The following ZNF609 variants were observed in gnomAD, a reference collection of about 807,000 sequenced individuals.
ZNF609 encodes zinc finger protein 609.
ZNF609 carries 11 observed loss-of-function variants against 109.5 expected under a neutral mutation model. The observed-to-expected ratio is 0.10, with a 90% CI of 0.06 to 0.17. The LOEUF is 0.17. Among genes scored for constraint, ZNF609 ranks in the 10% least tolerant of loss-of-function variants. ZNF609 has a pLI of 1.00. For synonymous variants in ZNF609, 646 were observed against 662.0 expected (o/e 0.98, Z 0.37); for missense variants, 1,559 against 1,772.4 (o/e 0.88, Z 2.16).
chr15:64,507,921 G>A lies in ZNF609; in HGVS notation c.747+7755G>A, dbSNP rs569092691. 2.4e-4 allele frequency among the ~76,000 whole-genome samples: 36 copies of A among 152,230 alleles called. No homozygotes were observed. The South Asian group carries it at 7.5e-3, about 32-fold the overall frequency. On this transcript the variant is annotated intron_variant, in intron 2 of 9. Transcript: ENST00000326648. ...TTTCTCTCGGTACAGTTTAGTCATG[G>A]TTCAGAGCACCCACAGAAGAACCTT...
intron 2 of ZNF609, among the ~76,000 whole-genome samples, chr15:64,554,201 G>T (rs1161511711): frequency 7.2e-5 from 11 of 152,172 alleles, no homozygotes; most frequent in Non-Finnish European, 4.4e-5. Flanking sequence ...TATGACGTTA[G>T]CTGTAGTTTT....
At chr15:64,460,574 C>T (rs1044250064), upstream of ZNF609, among the ~76,000 whole-genome samples, 35 of 152,198 alleles carry the variant, frequency 2.3e-4, no homozygotes, top group African/African-American at 8.2e-4. Context: ...TTCCGGGTGA[C>T]TCTGGTTGTC....
chr15:64,492,813 A>C (rs1478398227), intron 1 of ZNF609, among the ~76,000 whole-genome samples: 1 of 152,248 alleles, frequency 6.6e-6, no homozygotes, highest in African/African-American at 2.4e-5. Context: ...ATTTGAGTCC[A>C]GAAATCACAT....
At chr15:64,479,730 C>G (rs1234559583) in intron 1 of ZNF609, among the ~76,000 whole-genome samples, 1 of 151,960 alleles carries the variant, frequency 6.6e-6, no homozygotes, top group Non-Finnish European at 1.5e-5. Flanking sequence ...ACTAGCCTAG[C>G]CAATGTGGTG....
At chr15:64,657,621 ACAG>A (rs1896510457) in intron 3 of ZNF609, among the ~76,000 whole-genome samples, 1 of 152,186 alleles carries the variant, frequency 6.6e-6, no homozygotes, top group South Asian at 2.1e-4. Flanking sequence ...TCAAAAAAAA[ACAG>A]CAGCGTTTGA....
chr15:64,488,610 A>G (rs978334641), intron 1 of ZNF609, among the ~76,000 whole-genome samples: 2 of 152,106 alleles, frequency 1.3e-5, no homozygotes, highest in African/African-American at 4.8e-5. Flanking sequence ...AACATTATTT[A>G]TATTTTTTGA....
intron 2 of ZNF609, among the ~76,000 whole-genome samples, chr15:64,503,474 G>A (rs1893590818): frequency 1.3e-5 from 2 of 152,188 alleles, no homozygotes; most frequent in African/African-American, 2.4e-5. Context: ...GCCTGTCTGA[G>A]TGTCCTGAGC....
intron 2 of ZNF609, among the ~76,000 whole-genome samples, chr15:64,577,716 G>A (rs1895024088): frequency 2.0e-5 from 3 of 147,992 alleles, no homozygotes; most frequent in East Asian, 2.0e-4. Flanking sequence ...AAACAAGGTC[G>A]GGTATGGGGA....
At chr15:64,508,929 A>G (rs138290913) in intron 2 of ZNF609, among the ~76,000 whole-genome samples, 9 of 152,150 alleles carry the variant, frequency 5.9e-5, no homozygotes, top group African/African-American at 2.2e-4. Flanking sequence ...CCTAACTTCA[A>G]GCGATCCTCC....
At chr15:64,513,358 T>G (rs1445852153) in intron 2 of ZNF609, among the ~76,000 whole-genome samples, 1 of 152,260 alleles carries the variant, frequency 6.6e-6, no homozygotes, top group Non-Finnish European at 1.5e-5. Context: ...TTCATTTTGC[T>G]TGTACATATG....
At chr15:64,474,548 A>T (rs751513373) in intron 1 of ZNF609, among the ~76,000 whole-genome samples, 15 of 152,026 alleles carry the variant, frequency 9.9e-5, no homozygotes, top group Non-Finnish European at 1.6e-4. Flanking sequence ...TCTTCTATAT[A>T]TTATTGCAAT....
chr15:64,468,422 AT>A (rs999494952), intron 1 of ZNF609, among the ~76,000 whole-genome samples: 1 of 151,142 alleles, frequency 6.6e-6, no homozygotes, highest in African/African-American at 2.4e-5. Context: ...CACCTGGCTA[AT>A]TTTTTTGTGT....
Position 64,499,999 on chromosome 15 carries a change from C to G in ZNF609, c.580C>G (p.Arg194Gly). 6.2e-7 allele frequency: 1 copy of G among 1,613,934 alleles called. No homozygotes were observed. The highest frequency in any genetic ancestry group is 1.1e-5 in the South Asian group (1 of 91,056). The change falls in exon 2 of 10, where the codon CGG becomes GGG. Residue 194 changes from arginine (R) to glycine (G), a missense_variant. Physicochemically the swap from Arg to Gly is moderately radical, Grantham distance 125 (BLOSUM62 -2). This residue lies in a region of ZNF609 where 291 missense variants were observed against 317.8 expected (regional missense o/e 0.92). Coordinates refer to ENST00000326648, the MANE Select transcript of ZNF609 (RefSeq NM_015042.2). Reference protein sequence around the residue: ...GVLQPVPLGGRGGQYDGSAGV... With the variant: ...GVLQPVPLGGGGGQYDGSAGV... Reference sequence around the variant, plus strand: ...CCTCCAGCCAGTTCCCTTGGGAGGACGGGGTGGTCAGTATGATGGAAGTGC... The same window carrying G: ...CCTCCAGCCAGTTCCCTTGGGAGGAGGGGGTGGTCAGTATGATGGAAGTGC...
chr15:64,597,891 A>G (rs1895424838), intron 2 of ZNF609, among the ~76,000 whole-genome samples: 1 of 151,968 alleles, frequency 6.6e-6, no homozygotes, highest in Non-Finnish European at 1.5e-5. Flanking sequence ...ACTATTCTCA[A>G]TCTCTTCCCT....
chr15:64,482,026 G>T (rs542686414), intron 1 of ZNF609, among the ~76,000 whole-genome samples: 4 of 152,268 alleles, frequency 2.6e-5, no homozygotes, highest in South Asian at 2.1e-4. Context: ...TTTGTGATCC[G>T]CCTGCCTTGG....
intron 2 of ZNF609, among the ~76,000 whole-genome samples, chr15:64,609,144 TTTTTCTCTCTCTC>T (rs1895673246): frequency 8.4e-6 from 1 of 118,456 alleles, no homozygotes; most frequent in African/African-American, 3.0e-5. Context: ...TTCTTTCTTT[TTTTTCTCTCTCTC>T]TCTTTCTTTC....
At chr15:64,577,822 G>A (rs1895026076) in intron 2 of ZNF609, among the ~76,000 whole-genome samples, 1 of 151,312 alleles carries the variant, frequency 6.6e-6, no homozygotes, top group Admixed American at 6.6e-5. Context: ...TCGCACCACT[G>A]CACTCCAGCC....
In ZNF609 at chr15:64,675,833, C is replaced by T; in HGVS notation, c.2979C>T (p.His993=). The change falls in exon 5 of 10, where the codon CAC becomes CAT. Residue 993 remains histidine (H), a synonymous_variant. Transcript: ENST00000326648. ...ACAGCGACCAGAGTTACCACACCCA[C>T]CTTCTGAGCACTAACACGGCTTACC... ...YGYSDQSYHT[H]LLSTNTAYRQ... 6.2e-7 allele frequency: 1 copy of T among 1,614,244 alleles called. No homozygotes were observed. Among genetic ancestry groups the T allele is most frequent in the Non-Finnish European group, 8.5e-7 (1 of 1,180,048 alleles).
chr15:64,598,419 A>G (rs1410965547), intron 2 of ZNF609, among the ~76,000 whole-genome samples: 2 of 152,090 alleles, frequency 1.3e-5, no homozygotes, highest in African/African-American at 2.4e-5. Flanking sequence ...TCCAGCCTCT[A>G]TCTGCTGATC....
Sources: gnomAD v4.1 joint callset for allele counts (sites outside exome capture counted in the v4.1 genomes callset) on GRCh38, gnomAD v4.1.1 for gene constraint, gnomAD v4.1.1 regional missense constraint, MANE v1.5 for transcripts, NCBI Gene and HGNC (gene_info 2026-07-23, HGNC 2026-07-21) for gene names.